The following DSEL variants were observed in gnomAD, a reference collection of about 807,000 sequenced individuals.
DSEL encodes the protein dermatan-sulfate epimerase-like protein.
A neutral mutation model predicts 96.6 loss-of-function variants in DSEL; 61 were observed. The ratio of observed to expected loss-of-function variants is 0.63; its 90% CI spans 0.51 to 0.78. The LOEUF is 0.78. DSEL is among the 30% of genes least tolerant of loss of function. The pLI is 0.00. For synonymous variants in DSEL, 514 were observed against 502.0 expected, an observed-to-expected ratio of 1.02 and a Z score of -0.32; for missense variants, 1,320 against 1,430.8, an observed-to-expected ratio of 0.92 and a Z score of 1.25.
Position 67,514,866 on chromosome 18 carries a change from A to G in DSEL, c.-258T>C. On this transcript the variant is annotated 5_prime_UTR_variant, in exon 2 of 2. Coordinates refer to ENST00000310045, the MANE Select transcript of DSEL (RefSeq NM_032160.3). ...AACTTTGAATAACGTTAAAATCTCT[A>G]ATTTTTCCATAATACACAGGGAAGT... 1 of 483,484 alleles carries G rather than the reference A, an allele frequency of 2.1e-6. No individual in the cohort carries two copies. Among genetic ancestry groups the G allele is most frequent in the East Asian group, 3.2e-5 (1 of 31,566 alleles). The allele number at this position is 483,484 out of a possible 1,614,324, so 29.9% of individuals were successfully genotyped here. A position where few individuals can be genotyped will look rare whatever the true frequency, so the allele number is the denominator to read the frequency against.
rs776140254 is a variant in DSEL at position 67,513,872 on chromosome 18, TTAGA to T, written c.733_736del (p.Ser245LysfsTer9). On this transcript the variant is annotated frameshift_variant, in exon 2 of 2. Transcript: ENST00000310045. LOFTEE classifies it high-confidence loss of function. ...TACAGCCTGTTTCCATATATTTGCT[TTAGA>T]TCCTTTATCTACTCCAGTCACCAAG... 6.2e-7 allele frequency: 1 copy of T among 1,614,168 alleles called. No individual in the cohort carries two copies. The highest frequency in any genetic ancestry group is 2.2e-5 in the East Asian group (1 of 44,882).
At position 67,510,786 on chromosome 18, in the gene DSEL, A is replaced by G. The variant is rs1050589562; in HGVS notation, c.*184T>C. ...AGGCAAGGGAGGTGATGACATAAAA[A>G]TAAATCCTGCTAGGCCAAATATGGT... On this transcript the variant is annotated 3_prime_UTR_variant, in exon 2 of 2. Transcript: ENST00000310045. 4.0e-6 allele frequency: 2 copies of G among 503,526 alleles called. No individual in the cohort carries two copies. Among genetic ancestry groups the G allele is most frequent in the African/African-American group, 4.0e-5 (2 of 50,492 alleles). The allele number at this position is 503,526 out of a possible 1,614,324, so 31.2% of individuals were successfully genotyped here.
In DSEL at chr18:67,511,865, T is replaced by C. The variant is rs775060493; in HGVS notation, c.2744A>G (p.His915Arg). Residue 915 changes from histidine (H) to arginine (R), a missense_variant, in exon 2 of 2, where the codon CAT becomes CGT. His to Arg is a conservative substitution (Grantham distance 29, BLOSUM62 0). This residue lies in a region of DSEL where 986 missense variants were observed against 1,066.4 expected (regional missense o/e 0.92). Coordinates refer to ENST00000310045, the MANE Select transcript of DSEL (RefSeq NM_032160.3). ...EWKVSDIRSG[H>R]FRLLRGWLQS... ...CAACCAGCCTCGGAGTAAACGAAAA[T>C]GCCCACTGCGGATATCTGACACCTT... The C allele has an allele frequency of 2.2e-5, 35 of 1,614,210 alleles. No homozygotes were observed. Among genetic ancestry groups the C allele is most frequent in the Non-Finnish European group, 2.6e-5 (31 of 1,180,046 alleles).
In DSEL at chr18:67,516,082, C is replaced by T. The variant is rs1413627756; in HGVS notation, c.-885+279G>A. On this transcript the variant is annotated intron_variant, in intron 1 of 1. Coordinates refer to ENST00000310045, the MANE Select transcript of DSEL (RefSeq NM_032160.3). The surrounding 1 kb of genome is among the most constrained non-coding windows in gnomAD (Gnocchi z 5.6). ...GCTCGGCGCTCACCTGTGGCCGAGT[C>T]CCTGTCCTCAGGTGGAGCCGCCAGA... is the stretch of plus-strand genomic sequence containing the variant. Among the ~76,000 whole-genome samples the T allele has an allele frequency of 3.9e-5, 6 of 152,034 alleles. No individual in the cohort carries two copies. Among genetic ancestry groups the T allele is most frequent in the African/African-American group, 1.4e-4 (6 of 41,410 alleles).
rs2089457609 is a variant in DSEL, at chr18:67,513,613, G to A, written c.996C>T (p.Ser332=). The change falls in exon 2 of 2, where the codon TCC becomes TCT. Residue 332 remains serine, a synonymous_variant. Coordinates refer to ENST00000310045, the MANE Select transcript of DSEL (RefSeq NM_032160.3). ...GFQRTVGIAD[S]NYNWFYGPES... is the part of the protein sequence containing the mutation. ...CTGGACCATAAAACCAATTATAATTGGAATCTGCTATACCCACAGTTCTTT... is the reference window on the plus strand; with the variant it reads ...CTGGACCATAAAACCAATTATAATTAGAATCTGCTATACCCACAGTTCTTT... The A allele has an allele frequency of 6.2e-7, 1 of 1,614,022 alleles. No homozygotes were observed. Among genetic ancestry groups the A allele is most frequent in the Admixed American group, 1.7e-5 (1 of 59,996 alleles).
In DSEL at chr18:67,510,539, G is replaced by T. The variant is rs1011046879; in HGVS notation, c.*431C>A. The T allele has an allele frequency of 6.2e-6, 1 of 160,212 alleles. No homozygotes were observed. Among genetic ancestry groups the T allele is most frequent in the African/African-American group, 2.4e-5 (1 of 41,740 alleles). 9.9% of individuals were successfully genotyped at this position (160,212 alleles called of 1,614,324 possible). The stretch of plus-strand genomic sequence containing the variant: ...TCAGAAGACCTTTTCAAAAGGATAA[G>T]GAACTTTTGTAGTCCATCTTGAAAG... On this transcript the variant is annotated 3_prime_UTR_variant, in exon 2 of 2. Coordinates refer to ENST00000310045, the MANE Select transcript of DSEL (RefSeq NM_032160.3).
chr18:67,511,600 A>G lies in DSEL; in HGVS notation c.3009T>C (p.Ser1003=). 2 of 1,614,128 alleles carry G rather than the reference A, an allele frequency of 1.2e-6. No individual in the cohort carries two copies. The highest frequency in any genetic ancestry group is 1.7e-5 in the Admixed American group (1 of 60,014). Residue 1003 remains serine, a synonymous_variant, in exon 2 of 2, where the codon AGT becomes AGC. Transcript: ENST00000310045. ...TTAACGTCCAGCTTCCACTGCTTAA[A>G]CTGAGCACAGGACGTGCACTTGGAT... ...VYYPSARPVL[S]LSSGSWTLKL...
Position 67,514,518 on chromosome 18 carries a change from C to G in DSEL, c.91G>C (p.Glu31Gln), listed in dbSNP as rs768001548. The G allele has an allele frequency of 9.9e-6, 16 of 1,613,998 alleles. No homozygotes were observed. Among genetic ancestry groups the G allele is most frequent in the Non-Finnish European group, 1.4e-5 (16 of 1,180,024 alleles). The stretch of plus-strand genomic sequence containing the variant: ...ATATCATCTGTGAAAACTGCCCATT[C>G]GGAATAATTGCTCACAGATTCCTCA... Reference protein sequence around the residue: ...TFEESVSNYSEWAVFTDDIDQ... With the variant: ...TFEESVSNYSQWAVFTDDIDQ... Residue 31 changes from glutamate (E) to glutamine (Q), a missense_variant, in exon 2 of 2, where the codon GAA becomes CAA. By Grantham distance (29) the Glu-to-Gln change is conservative. Coordinates refer to ENST00000310045, the MANE Select transcript of DSEL (RefSeq NM_032160.3).
rs949128495 is a variant in DSEL, at chr18:67,516,166, A to AC, written c.-885+194dup. Reference sequence around the variant, plus strand: ...TCCGTGCCCGTCCGCGGCTGGAAGAACCTAAGCAAGTTTCAGTCTTGGACA... The same window carrying AC: ...TCCGTGCCCGTCCGCGGCTGGAAGAACCCTAAGCAAGTTTCAGTCTTGGACA... On this transcript the variant is annotated intron_variant, in intron 1 of 1. Transcript: ENST00000310045. The surrounding 1 kb of genome is among the most constrained non-coding windows in gnomAD (Gnocchi z 5.6). Among the ~76,000 whole-genome samples, 2 of 152,066 alleles carry AC rather than the reference A, an allele frequency of 1.3e-5. No individual in the cohort carries two copies. The highest frequency in any genetic ancestry group is 2.4e-5 in the African/African-American group (1 of 41,430).
At chr18:67,515,638 G>A (rs1343136705) in intron 1 of DSEL, 146 bp from the exon 2 acceptor site, 1 of 152,422 alleles carries the variant, frequency 6.6e-6, no homozygotes, top group African/African-American at 2.4e-5. Context: ...ACCTAAGCTA[G>A]GGCAAGTGAT....
rs760560090 is a variant in DSEL, at chr18:67,514,211, A to G, written c.398T>C (p.Leu133Ser). The part of the protein sequence containing the change: ...NNLPPLALYC[L>S]LCPEDKVAFE... ...GGCAACTTTGTCTTCTGGGCATAAC[A>G]AACAGTACAATGCTAAAGGAGGCAG... The change falls in exon 2 of 2, where the codon TTG (leucine) becomes TCG (serine). Residue 133 changes from leucine (L) to serine (S), a missense_variant. Leu to Ser is a moderately radical substitution (Grantham distance 145, BLOSUM62 -2). Around this residue, in one of 3 missense-constraint regions of DSEL, gnomAD observed 323 missense variants for 333.1 expected, o/e 0.97. Transcript: ENST00000310045. 1.2e-6 allele frequency: 2 copies of G among 1,614,220 alleles called. No individual in the cohort carries two copies. The highest frequency in any genetic ancestry group is 3.3e-5 in the Admixed American group (2 of 60,030).
Position 67,512,236 on chromosome 18 carries a change from C to A in DSEL, c.2373G>T (p.Trp791Cys). The A allele has an allele frequency of 6.2e-7, 1 of 1,614,016 alleles. No individual in the cohort carries two copies. The highest frequency in any genetic ancestry group is 2.2e-5 in the East Asian group (1 of 44,884). ...GTTTTCTAAAAGAAAGGTAAAAACG[C>A]CATTGGAAAGTTAAAATCACCAAGC... ...CISLVILTFQ[W>C]RFYLSFRKLM... Residue 791 changes from tryptophan to cysteine, a missense_variant, in exon 2 of 2, where the codon TGG becomes TGT. Physicochemically the swap from Trp to Cys is radical, Grantham distance 215. This residue lies in a region of DSEL where 986 missense variants were observed against 1,066.4 expected (regional missense o/e 0.92). Coordinates refer to ENST00000310045, the MANE Select transcript of DSEL (RefSeq NM_032160.3).
In DSEL at chr18:67,508,090, G is replaced by A. The variant is rs925924646; in HGVS notation, c.*2880C>T. On this transcript the variant is annotated 3_prime_UTR_variant, in exon 2 of 2. Coordinates refer to ENST00000310045, the MANE Select transcript of DSEL (RefSeq NM_032160.3). ...ATAATAAAAGCAATTATCTCAATTAGGCCTATGTTTGGGGAAGTTAATGTA... is the reference window on the plus strand; with the variant it reads ...ATAATAAAAGCAATTATCTCAATTAAGCCTATGTTTGGGGAAGTTAATGTA... 6.6e-6 allele frequency: 1 copy of A among 151,964 alleles called. No homozygotes were observed. The highest frequency in any genetic ancestry group is 1.5e-5 in the Non-Finnish European group (1 of 67,994). The allele number at this position is 151,964 out of a possible 1,614,324, so 9.4% of individuals were successfully genotyped here. A position where few individuals can be genotyped will look rare whatever the true frequency, so the allele number is the denominator to read the frequency against.
At chr18:67,515,867 A>G (rs1486048370) in intron 1 of DSEL, among the ~76,000 whole-genome samples, 1 of 151,578 alleles carries the variant, frequency 6.6e-6, no homozygotes, top group Non-Finnish European at 1.5e-5. Flanking sequence ...GTTCCCAAGG[A>G]CCGAGGGACA....
Position 67,511,792 on chromosome 18 carries a change from C to A in DSEL, c.2817G>T (p.Leu939=), listed in dbSNP as rs1367641045. 2 of 1,614,154 alleles carry A rather than the reference C, an allele frequency of 1.2e-6. No individual in the cohort carries two copies. The highest frequency in any genetic ancestry group is 3.3e-5 in the Admixed American group (2 of 60,002). ...CCAGTTTACCCCTATTGGGTTCATG[C>A]AGATGGATGTTTTGCAAATGTAATT... is the stretch of plus-strand genomic sequence containing the variant. ...DTKLHLQNIH[L]HEPNRGKLAQ... Residue 939 remains leucine, a synonymous_variant, in exon 2 of 2, where the codon CTG becomes CTT. Transcript: ENST00000310045.
In DSEL at chr18:67,512,553, A is replaced by G; in HGVS notation, c.2056T>C (p.Tyr686His). The change falls in exon 2 of 2, where the codon TAT (tyrosine) becomes CAT (histidine). Residue 686 changes from tyrosine to histidine, a missense_variant. Physicochemically the swap from Tyr to His is moderately conservative, Grantham distance 83 (BLOSUM62 2). Around this residue, in one of 3 missense-constraint regions of DSEL, gnomAD observed 986 missense variants for 1,066.4 expected, o/e 0.92. Transcript: ENST00000310045. ...TRIAYVFYGP[Y>H]INVSSCRFID... is the part of the protein sequence containing the mutation. Reference sequence around the variant, plus strand: ...AATCTGCAGCTGGAGACATTGATATATGGCCCATAAAAGACATATGCAATT... The same window carrying G: ...AATCTGCAGCTGGAGACATTGATATGTGGCCCATAAAAGACATATGCAATT... The G allele has an allele frequency of 6.2e-7, 1 of 1,614,194 alleles. No individual in the cohort carries two copies. The highest frequency in any genetic ancestry group is 2.2e-5 in the East Asian group (1 of 44,880).
chr18:67,512,625 T>C lies in DSEL; in HGVS notation c.1984A>G (p.Thr662Ala), dbSNP rs199583452. Residue 662 changes from threonine to alanine, a missense_variant, in exon 2 of 2, where the codon ACT becomes GCT. By Grantham distance (58) the Thr-to-Ala change is moderately conservative. This residue lies in a region of DSEL where 986 missense variants were observed against 1,066.4 expected (regional missense o/e 0.92). Transcript: ENST00000310045. ...EQAAEFKKRWTQFVNVTFQME... is the reference protein window; with the variant it reads ...EQAAEFKKRWAQFVNVTFQME... ...TGAAAAGTAACATTAACAAATTGAG[T>C]CCATCGTTTTTTAAATTCAGCAGCT... 1.2e-6 allele frequency: 2 copies of C among 1,614,052 alleles called. No individual in the cohort carries two copies. Among genetic ancestry groups the C allele is most frequent in the African/African-American group, 2.7e-5 (2 of 75,020 alleles).
In DSEL at chr18:67,516,008, G is replaced by T. The variant is rs868348578; in HGVS notation, c.-885+353C>A. On this transcript the variant is annotated intron_variant, in intron 1 of 1. Transcript: ENST00000310045. The surrounding 1 kb of genome is among the most constrained non-coding windows in gnomAD (Gnocchi z 5.6). ...CGGACCAGTCACTTTTCTCGGCGGG[G>T]TAACCGCGAATCGTGACCAGGCGCC... Among the ~76,000 whole-genome samples the T allele has an allele frequency of 6.6e-6, 1 of 151,654 alleles. No individual in the cohort carries two copies. Among genetic ancestry groups the T allele is most frequent in the African/African-American group, 2.4e-5 (1 of 41,252 alleles).
In DSEL at chr18:67,511,452, T is replaced by G; in HGVS notation, c.3157A>C (p.Asn1053His). ...NSKPSLYSLKNVPEHLAKLFK... is the reference protein window; with the variant it reads ...NSKPSLYSLKHVPEHLAKLFK... ...AATTTTGCTAAATGCTCTGGTACATTCTTCAAAGAATAAAGACTTGGTTTA... is the reference window on the plus strand; with the variant it reads ...AATTTTGCTAAATGCTCTGGTACATGCTTCAAAGAATAAAGACTTGGTTTA... The change falls in exon 2 of 2, where the codon AAT (asparagine) becomes CAT (histidine). Residue 1053 changes from asparagine to histidine, a missense_variant. Around this residue, in one of 3 missense-constraint regions of DSEL, gnomAD observed 986 missense variants for 1,066.4 expected, o/e 0.92. Transcript: ENST00000310045. The G allele has an allele frequency of 6.2e-7, 1 of 1,608,180 alleles. No individual in the cohort carries two copies. The highest frequency in any genetic ancestry group is 8.5e-7 in the Non-Finnish European group (1 of 1,179,994).
Sources: gnomAD v4.1 joint callset for allele counts (sites outside exome capture counted in the v4.1 genomes callset) on GRCh38, gnomAD v4.1.1 for gene constraint, gnomAD v4.1.1 regional missense constraint, Gnocchi (gnomAD v3.1) non-coding constraint, MANE v1.5 for transcripts, NCBI Gene and HGNC (gene_info 2026-07-23, HGNC 2026-07-21) for gene names.